The following DNA2 variants were observed in gnomAD, a reference collection of about 807,000 sequenced individuals.
DNA2 encodes the protein DNA replication ATP-dependent helicase/nuclease DNA2.
DNA2 carries 101 observed loss-of-function variants against 119.1 expected under a neutral mutation model. The observed-to-expected ratio is 0.85, with a 90% CI of 0.72 to 1.00. The LOEUF (loss-of-function observed/expected upper bound fraction) is 1.00, where lower values mean the gene tolerates loss of function less well. Ranked by LOEUF, DNA2 falls within the 50% of genes least tolerant of loss-of-function variation. DNA2 has a pLI of 0.00. For synonymous variants in DNA2, 366 were observed against 424.4 expected (o/e 0.86, Z 1.69); for missense variants, 1,121 against 1,255.5 (o/e 0.89, Z 1.62).
Position 68,450,075 on chromosome 10 carries a change from C to T in DNA2, c.892G>A (p.Glu298Lys). 1 of 1,601,168 alleles carries T rather than the reference C, an allele frequency of 6.2e-7. No homozygotes were observed. Among genetic ancestry groups the T allele is most frequent in the Non-Finnish European group, 8.5e-7 (1 of 1,173,074 alleles). Reference protein sequence around the residue: ...YKTKYKIMPLELKTGKESNSI... With the variant: ...YKTKYKIMPLKLKTGKESNSI... ...TTTGATTCTTTGCCAGTTTTAAGTTCCAGCGGCATTATCTTGTATTTTGTT... is the reference window on the plus strand; with the variant it reads ...TTTGATTCTTTGCCAGTTTTAAGTTTCAGCGGCATTATCTTGTATTTTGTT... Residue 298 changes from glutamate to lysine, a missense_variant, in exon 6 of 21, where the codon GAA (glutamate) becomes AAA (lysine). Coordinates refer to ENST00000358410, the MANE Select transcript of DNA2 (RefSeq NM_001080449.3).
intron 5 of DNA2, among the ~76,000 whole-genome samples, chr10:68,451,115 A>AG (rs1564891521): frequency 1.3e-5 from 2 of 151,646 alleles, no homozygotes; most frequent in Non-Finnish European, 2.9e-5. Context: ...AAAAAAAAAA[A>AG]AAGAAGAGCT....
chr10:68,421,081 GGC>G (rs2051658815), intron 17 of DNA2, among the ~76,000 whole-genome samples: 1 of 151,866 alleles, frequency 6.6e-6, no homozygotes, highest in Admixed American at 6.6e-5. Flanking sequence ...TGGGACTACA[GGC>G]GCACCACCAC....
At chr10:68,457,506 C>G (rs551473451) in intron 5 of DNA2, among the ~76,000 whole-genome samples, 1 of 152,132 alleles carries the variant, frequency 6.6e-6, no homozygotes, top group Non-Finnish European at 1.5e-5. Flanking sequence ...TCTTATCCTC[C>G]TCATTGTTCG....
chr10:68,431,782 A>G, intron 13 of DNA2, 80 bp downstream of exon 13: 1 of 883,496 alleles, frequency 1.1e-6, no homozygotes, highest in Non-Finnish European at 1.8e-6. Flanking sequence ...AGCCCTTTTG[A>G]TATTCAATAT....
chr10:68,444,855 G>T, intron 8 of DNA2, 66 bp downstream of exon 8: 2 of 1,237,256 alleles, frequency 1.6e-6, no homozygotes, highest in Non-Finnish European at 2.3e-6. Flanking sequence ...CTGGCCACCA[G>T]TGTTAAACGT....
chr10:68,422,966 A>G (rs1041709880), intron 14 of DNA2, 76 bp from the exon 15 acceptor site: 1 of 1,114,828 alleles, frequency 9.0e-7, no homozygotes, highest in Non-Finnish European at 1.3e-6. Flanking sequence ...TTTTGAAATG[A>G]AAAGATCAAA....
intron 9 of DNA2, among the ~76,000 whole-genome samples, chr10:68,439,451 A>C (rs938153224): frequency 1.3e-5 from 2 of 152,160 alleles, no homozygotes; most frequent in Admixed American, 6.6e-5. Context: ...TTGTAATCCC[A>C]GCACTCTGGG....
intron 14 of DNA2, among the ~76,000 whole-genome samples, chr10:68,428,682 G>A (rs1331294900): frequency 6.6e-6 from 1 of 152,186 alleles, no homozygotes; most frequent in East Asian, 1.9e-4. Flanking sequence ...TCTGGGGGAA[G>A]CTCTGGAGAA....
chr10:68,441,335 TAAAAAAA>T (rs35334686), intron 9 of DNA2, among the ~76,000 whole-genome samples: 1 of 121,116 alleles, frequency 8.3e-6, no homozygotes, highest in Non-Finnish European at 1.8e-5. Context: ...CCCTGTCTCT[TAAAAAAA>T]AAAAAAAAAA....
At chr10:68,468,341 A>G in intron 2 of DNA2, 35 bp from the exon 3 acceptor site, 2 of 1,392,380 alleles carry the variant, frequency 1.4e-6, no homozygotes, top group Non-Finnish European at 1.9e-6. Flanking sequence ...ATAAATACAT[A>G]GCTTAGGTTC....
At position 68,471,215 on chromosome 10, in the gene DNA2, C is replaced by T. The variant is rs147962609; in HGVS notation, c.74+576G>A. Among the ~76,000 whole-genome samples the T allele has an allele frequency of 3.8e-3, 572 of 152,260 alleles. 6 individuals carry two copies. Among genetic ancestry groups the T allele is most frequent in the African/African-American group, 0.013 (553 of 41,562 alleles). ...CGTAGGTTCTATTATTTTGCAAACG[C>T]TTTATTCCTGTAGTCCACCTAACCT... is the stretch of plus-strand genomic sequence containing the variant. On this transcript the variant is annotated intron_variant, in intron 1 of 20. Transcript: ENST00000358410.
At chr10:68,436,217 T>C (rs528218573) in intron 10 of DNA2, among the ~76,000 whole-genome samples, 2 of 152,248 alleles carry the variant, frequency 1.3e-5, no homozygotes, top group African/African-American at 4.8e-5. Context: ...GGTGTATCCA[T>C]ACAACAGAAT....
chr10:68,436,884 G>T (rs1430771792), intron 10 of DNA2, 127 bp downstream of exon 10: 1 of 699,300 alleles, frequency 1.4e-6, no homozygotes, highest in African/African-American at 1.8e-5. Context: ...AGTTGATTGT[G>T]GTGATAGCTG....
At chr10:68,466,580 CTTTT>C (rs71977657) in intron 3 of DNA2, among the ~76,000 whole-genome samples, 1 of 137,434 alleles carries the variant, frequency 7.3e-6, no homozygotes. Flanking sequence ...TAGCCTAGAC[CTTTT>C]TTTTTTTTTT....
At chr10:68,438,528 GA>G (rs1345409195) in intron 9 of DNA2, among the ~76,000 whole-genome samples, 1 of 144,884 alleles carries the variant, frequency 6.9e-6, no homozygotes, top group African/African-American at 2.6e-5. Flanking sequence ...TCAAAAAAAA[GA>G]AAAAAAAACC....
At chr10:68,417,450 C>T (rs1262664912) in intron 19 of DNA2, among the ~76,000 whole-genome samples, 1 of 138,220 alleles carries the variant, frequency 7.2e-6, no homozygotes, top group African/African-American at 2.8e-5. Flanking sequence ...ATTGCTAGAG[C>T]TCGGGAGTTG....
chr10:68,454,064 C>G (rs777329124), intron 5 of DNA2, among the ~76,000 whole-genome samples: 57 of 152,116 alleles, frequency 3.7e-4, no homozygotes, highest in Admixed American at 9.2e-4. Context: ...TATCCTAAGC[C>G]TTCTTCAACA....
chr10:68,471,717 G>A, intron 1 of DNA2, 74 bp downstream of exon 1: 1 of 1,469,816 alleles, frequency 6.8e-7, no homozygotes, highest in Non-Finnish European at 9.0e-7. Flanking sequence ...CTGAGGCGGT[G>A]CGGACGCAGC....
chr10:68,415,580 A>G (rs1248901126), intron 20 of DNA2, among the ~76,000 whole-genome samples: 1 of 150,994 alleles, frequency 6.6e-6, no homozygotes, highest in Non-Finnish European at 1.5e-5. Flanking sequence ...CCAGCCTCAG[A>G]GTTATTTATC....
Sources: gnomAD v4.1 joint callset for allele counts (sites outside exome capture counted in the v4.1 genomes callset) on GRCh38, gnomAD v4.1.1 for gene constraint, MANE v1.5 for transcripts, NCBI Gene and HGNC (gene_info 2026-07-23, HGNC 2026-07-21) for gene names.